Variants in LENG8 observed in about 807,000 individuals in gnomAD.
LENG8 encodes the protein leukocyte receptor cluster (LRC) member 8.
Under a neutral mutation model 102.1 loss-of-function variants are expected in LENG8, and 28 were observed. The ratio of observed to expected loss-of-function variants is 0.27; its 90% confidence interval spans 0.20 to 0.38. The LOEUF (loss-of-function observed/expected upper bound fraction) is 0.38. Ranked by LOEUF, LENG8 falls within the 10% of genes least tolerant of loss-of-function variation. The pLI is 1.00. For synonymous variants in LENG8, 531 were observed against 456.7 expected, an observed-to-expected ratio of 1.16 and a Z score of -2.07; for missense variants, 1,022 against 1,113.9, an observed-to-expected ratio of 0.92 and a Z score of 1.17.
At position 54,458,529 on chromosome 19, in the gene LENG8, G is replaced by T; in HGVS notation, c.2240+8G>T. ...CAAGGCCATGATCAAAACGTATGTG[G>T]TGCCAAGCTCCCTTCTGCCTTTGCT... On this transcript the variant is annotated splice_region_variant and intron_variant, in intron 15 of 15. Transcript: ENST00000326764. The T allele has an allele frequency of 6.2e-7, 1 of 1,614,146 alleles. No individual in the cohort carries two copies. The highest frequency in any genetic ancestry group is 8.5e-7 in the Non-Finnish European group (1 of 1,179,984).
chr19:54,450,450 C>T (rs183924503), intron 1 of LENG8, among the ~76,000 whole-genome samples: 30 of 152,224 alleles, frequency 2.0e-4, no homozygotes, highest in African/African-American at 7.2e-4. Flanking sequence ...ATTTTCTTCT[C>T]TTCTCCAATA....
In LENG8 at chr19:54,452,263, C is replaced by T. The variant is rs2083996837; in HGVS notation, c.209C>T (p.Ala70Val). 6.2e-7 allele frequency: 1 copy of T among 1,609,110 alleles called. No individual in the cohort carries two copies. Among genetic ancestry groups the T allele is most frequent in the Non-Finnish European group, 8.5e-7 (1 of 1,176,822 alleles). ...KSSSNGPVAS[A>V]QYVSQAEASA... ...AGCAGCAATGGGCCTGTGGCCAGTG[C>T]ACAGGTGAGAAGGCCTCATGGGGCT... The change falls in exon 3 of 16, where the codon GCA (alanine) becomes GTA (valine). Residue 70 changes from alanine (A) to valine (V), a missense_variant. This residue lies in a region of LENG8 where 343 missense variants were observed against 320.2 expected (regional missense o/e 1.07). Coordinates refer to ENST00000326764, the MANE Select transcript of LENG8 (RefSeq NM_052925.4).
intron 6 of LENG8, 108 bp downstream of exon 6, chr19:54,454,790 G>A (rs910139716): frequency 9.1e-6 from 13 of 1,434,110 alleles, no homozygotes; most frequent in African/African-American, 2.8e-5. Context: ...TGTTGTGATC[G>A]CCAGGCTGGG....
intron 15 of LENG8, chr19:54,459,532 C>T (rs3745435): frequency 0.095 from 44,836 of 471,778 alleles, 8,844 homozygotes; most frequent in East Asian, 0.55. Flanking sequence ...TGGCCCTCCA[C>T]GTGAGGTTGT....
intron 8 of LENG8, 130 bp downstream of exon 8, chr19:54,455,697 C>G (rs1228952078): frequency 1.6e-5 from 15 of 930,520 alleles, no homozygotes; most frequent in Non-Finnish European, 2.3e-5. Flanking sequence ...AAGTTGGATC[C>G]TGGGGGGATG....
chr19:54,453,036 C>T (rs946223848), intron 4 of LENG8, among the ~76,000 whole-genome samples: 1 of 152,254 alleles, frequency 6.6e-6, no homozygotes, highest in Non-Finnish European at 1.5e-5. Flanking sequence ...GCCAGGCCCG[C>T]TCTCGCTTTG....
chr19:54,458,433 T>C lies in LENG8; in HGVS notation c.2152T>C (p.Tyr718His), dbSNP rs1462198940. 1 of 1,614,290 alleles carries C rather than the reference T, an allele frequency of 6.2e-7. No homozygotes were observed. The highest frequency in any genetic ancestry group is 2.2e-5 in the East Asian group (1 of 44,888). ...CAACTACCACCGCTTTTTCCGGCTC[T>C]ACTGCCATGCACCCTGCATGTCTGG... is the stretch of plus-strand genomic sequence containing the variant. ...LGNYHRFFRL[Y>H]CHAPCMSGYL... Residue 718 changes from tyrosine to histidine, a missense_variant, in exon 15 of 16, where the codon TAC becomes CAC. Transcript: ENST00000326764.
intron 1 of LENG8, among the ~76,000 whole-genome samples, chr19:54,450,405 G>A (rs1295691924): frequency 6.6e-6 from 1 of 152,006 alleles, no homozygotes; most frequent in East Asian, 1.9e-4. Context: ...TTGCTTCCAG[G>A]GTTAACTTCC....
At chr19:54,452,391 G>T in intron 3 of LENG8, 124 bp downstream of exon 3, 2 of 909,782 alleles carry the variant, frequency 2.2e-6, no homozygotes, top group East Asian at 2.6e-5. Context: ...ACGTTCCAGG[G>T]TATCTAAATC....
chr19:54,461,024 T>C lies in LENG8; in HGVS notation c.*96T>C. On this transcript the variant is annotated 3_prime_UTR_variant, in exon 16 of 16. Transcript: ENST00000326764. ...GCCGTGGACTTGGGTTGTAAATTTA[T>C]TTGTGGGGAGTGCGCTCCAGGAAGA... 1 of 1,520,958 alleles carries C rather than the reference T, an allele frequency of 6.6e-7. No homozygotes were observed. Among genetic ancestry groups the C allele is most frequent in the African/African-American group, 1.4e-5 (1 of 72,730 alleles). The allele number at this position is 1,520,958 out of a possible 1,614,324, so 94.2% of individuals were successfully genotyped here. A position where few individuals can be genotyped will look rare whatever the true frequency, so the allele number is the denominator to read the frequency against.
intron 5 of LENG8, 80 bp downstream of exon 5, chr19:54,453,736 G>A: frequency 2.0e-6 from 2 of 981,574 alleles, no homozygotes; most frequent in Non-Finnish European, 3.1e-6. Flanking sequence ...ATGAGGAATG[G>A]CTTGTACTCC....
intron 8 of LENG8, 117 bp from the exon 9 acceptor site, chr19:54,455,850 C>A: frequency 8.7e-7 from 1 of 1,146,674 alleles, no homozygotes; most frequent in Non-Finnish European, 1.2e-6. Context: ...GTAGCTGAGC[C>A]GCCTGGGGTA....
intron 4 of LENG8, among the ~76,000 whole-genome samples, chr19:54,453,142 A>C (rs994792489): frequency 6.6e-5 from 10 of 152,152 alleles, no homozygotes; most frequent in African/African-American, 2.4e-4. Context: ...GATTGAAAGT[A>C]GCATTCCTGC....
At position 54,456,747 on chromosome 19, in the gene LENG8, A is replaced by C. The variant is rs780989798; in HGVS notation, c.1557A>C (p.Gly519=). The change falls in exon 11 of 16, where the codon GGA becomes GGC. Residue 519 remains glycine (G), a synonymous_variant. Coordinates refer to ENST00000326764, the MANE Select transcript of LENG8 (RefSeq NM_052925.4). ...KQKRAARFQH[G]HSRRLRLEPL... ...AGCGGGCAGCCCGCTTCCAGCACGG[A>C]CACTCCCGCCGCCTGCGCCTCGAGC... 1 of 1,611,756 alleles carries C rather than the reference A, an allele frequency of 6.2e-7. No homozygotes were observed. The highest frequency in any genetic ancestry group is 8.5e-7 in the Non-Finnish European group (1 of 1,179,388).
intron 15 of LENG8, chr19:54,458,818 C>A (rs772877586): frequency 6.4e-7 from 1 of 1,551,074 alleles, no homozygotes; most frequent in South Asian, 1.2e-5. Context: ...TCTCTCCTGC[C>A]TGGACCCCCT....
chr19:54,458,459 C>T lies in LENG8; in HGVS notation c.2178C>T (p.Gly726=). The part of the protein sequence containing the change: ...RLYCHAPCMS[G]YLVDKFADRE... ...ACTGCCATGCACCCTGCATGTCTGGCTACCTCGTGGACAAGTTTGCAGATC... is the reference window on the plus strand; with the variant it reads ...ACTGCCATGCACCCTGCATGTCTGGTTACCTCGTGGACAAGTTTGCAGATC... The change falls in exon 15 of 16, where the codon GGC becomes GGT. Residue 726 remains glycine (G), a synonymous_variant. Transcript: ENST00000326764. 6.2e-7 allele frequency: 1 copy of T among 1,614,282 alleles called. No homozygotes were observed. Among genetic ancestry groups the T allele is most frequent in the Non-Finnish European group, 8.5e-7 (1 of 1,180,056 alleles).
At position 54,456,224 on chromosome 19, in the gene LENG8, C is replaced by T. The variant is rs1326717591; in HGVS notation, c.1283C>T (p.Pro428Leu). 2 of 1,613,046 alleles carry T rather than the reference C, an allele frequency of 1.2e-6. No individual in the cohort carries two copies. Among genetic ancestry groups the T allele is most frequent in the Admixed American group, 1.7e-5 (1 of 59,916 alleles). Reference sequence around the variant, plus strand: ...CGCTCCCGCTCCTCCTCCAGGTCCCCGACGCGCCACTTCCGCAGAAGGTAC... The same window carrying T: ...CGCTCCCGCTCCTCCTCCAGGTCCCTGACGCGCCACTTCCGCAGAAGGTAC... ...DSRSRSSSRS[P>L]TRHFRRSDSH... Residue 428 changes from proline to leucine, a missense_variant, in exon 9 of 16, where the codon CCG (proline) becomes CTG (leucine). Around this residue, in one of 7 missense-constraint regions of LENG8, gnomAD observed 326 missense variants for 324.5 expected, o/e 1.00. Coordinates refer to ENST00000326764, the MANE Select transcript of LENG8 (RefSeq NM_052925.4).
intron 15 of LENG8, chr19:54,458,801 C>T (rs571343856): frequency 1.3e-6 from 2 of 1,551,094 alleles, no homozygotes; most frequent in African/African-American, 2.7e-5. Flanking sequence ...GTGTCTCTTC[C>T]TCCTGTTCTC....
intron 15 of LENG8, chr19:54,458,758 C>G: frequency 6.4e-7 from 1 of 1,551,328 alleles, no homozygotes; most frequent in South Asian, 1.2e-5. Context: ...TCCCAGCTCA[C>G]TGCCTCTGGG....
Sources: gnomAD v4.1 joint callset for allele counts (sites outside exome capture counted in the v4.1 genomes callset) on GRCh38, gnomAD v4.1.1 for gene constraint, gnomAD v4.1.1 regional missense constraint, MANE v1.5 for transcripts, NCBI Gene and HGNC (gene_info 2026-07-23, HGNC 2026-07-21) for gene names.